The following SUCLG1 variants were observed in gnomAD, a reference collection of about 807,000 sequenced individuals.
SUCLG1 encodes succinate-CoA ligase GDP/ADP-forming subunit alpha, also known as succinate--CoA ligase [ADP/GDP-forming] subunit alpha, mitochondrial.
In SUCLG1, 26 loss-of-function variants were observed where a neutral mutation model predicts 37.3. The ratio of observed to expected loss-of-function variants is 0.70; its 90% CI spans 0.51 to 0.97. The LOEUF (loss-of-function observed/expected upper bound fraction) is 0.97. Ranked by LOEUF, SUCLG1 falls within the 50% of genes least tolerant of loss-of-function variation. SUCLG1 has a pLI of 0.00. For missense variants in SUCLG1, 433 were observed against 432.9 expected (o/e 1.00, Z 0.00); for synonymous variants, 163 against 155.6 (o/e 1.05, Z -0.36).
chr2:84,459,061 G>GC (rs1261440827), intron 1 of SUCLG1, 112 bp downstream of exon 1: 2 of 1,118,812 alleles, frequency 1.8e-6, no homozygotes, highest in Non-Finnish European at 2.5e-6. Context: ...CGGCTCCCAG[G>GC]CCCCCGCCGA....
At chr2:84,438,708 T>A (rs1033062185) in intron 5 of SUCLG1, among the ~76,000 whole-genome samples, 2 of 152,174 alleles carry the variant, frequency 1.3e-5, no homozygotes, top group African/African-American at 4.8e-5. Flanking sequence ...CAGCTGGACT[T>A]CCTGGGTTGA....
In SUCLG1 at chr2:84,437,464, G is replaced by A. The variant is rs184753084; in HGVS notation, c.589+3583C>T. The stretch of plus-strand genomic sequence containing the variant: ...TAATCAATATCATTAGCCATTAGGC[G>A]AATACAAATTAAAACTACAGTGAGC... On this transcript the variant is annotated intron_variant, in intron 5 of 8. Transcript: ENST00000393868. 2.6e-5 allele frequency among the ~76,000 whole-genome samples: 4 copies of A among 152,242 alleles called. 1 individual carries two copies. The East Asian group carries it at 5.8e-4, about 22-fold the overall frequency.
intron 7 of SUCLG1, among the ~76,000 whole-genome samples, chr2:84,430,069 A>G (rs948767051): frequency 1.3e-5 from 2 of 152,214 alleles, no homozygotes; most frequent in Non-Finnish European, 2.9e-5. Flanking sequence ...AGGCACAGAA[A>G]ATAGATCCAG....
chr2:84,451,088 G>A (rs1672933389), intron 1 of SUCLG1, among the ~76,000 whole-genome samples: 2 of 152,166 alleles, frequency 1.3e-5, no homozygotes, highest in Admixed American at 1.3e-4. Flanking sequence ...CTACTGAGCT[G>A]TGCAGCACAG....
intron 5 of SUCLG1, among the ~76,000 whole-genome samples, chr2:84,440,441 A>G (rs1672750738): frequency 6.6e-6 from 1 of 152,234 alleles, no homozygotes; most frequent in Non-Finnish European, 1.5e-5. Context: ...TCCTACATTA[A>G]TGGTGAAAAT....
chr2:84,439,184 T>C (rs1025716130), intron 5 of SUCLG1, among the ~76,000 whole-genome samples: 5 of 148,774 alleles, frequency 3.4e-5, no homozygotes, highest in Non-Finnish European at 7.4e-5. Flanking sequence ...TTTTCTTCTT[T>C]TTTTTAAAAA....
At chr2:84,453,186 T>G (rs1268820699) in intron 1 of SUCLG1, among the ~76,000 whole-genome samples, 1 of 151,814 alleles carries the variant, frequency 6.6e-6, no homozygotes, top group Non-Finnish European at 1.5e-5. Flanking sequence ...TCAGACAGAG[T>G]GAAACACACC....
At chr2:84,430,304 G>T (rs1264480901) in intron 7 of SUCLG1, among the ~76,000 whole-genome samples, 1 of 152,190 alleles carries the variant, frequency 6.6e-6, no homozygotes, top group East Asian at 1.9e-4. Flanking sequence ...ACTCTAGGAG[G>T]CAGGCACTAC....
At chr2:84,447,053 T>C (rs1260491557) in intron 2 of SUCLG1, among the ~76,000 whole-genome samples, 1 of 152,244 alleles carries the variant, frequency 6.6e-6, no homozygotes. Context: ...GTAATCATTT[T>C]AGCAGCTTAT....
At chr2:84,441,573 A>G (rs1359715829) in intron 3 of SUCLG1, 114 bp from the exon 4 acceptor site, 5 of 1,168,530 alleles carry the variant, frequency 4.3e-6, no homozygotes, top group Non-Finnish European at 5.0e-6. Flanking sequence ...CACTACCCAG[A>G]GACATAGCAT....
At chr2:84,457,971 T>C (rs891536736) in intron 1 of SUCLG1, among the ~76,000 whole-genome samples, 1 of 152,064 alleles carries the variant, frequency 6.6e-6, no homozygotes. Context: ...CACTCATCAA[T>C]GTACACTTTC....
At chr2:84,433,040 A>T (rs373767774) in intron 6 of SUCLG1, among the ~76,000 whole-genome samples, 2 of 152,202 alleles carry the variant, frequency 1.3e-5, no homozygotes, top group African/African-American at 2.4e-5. Flanking sequence ...GGCAATGATA[A>T]CAAAAGTCCT....
At chr2:84,423,902 G>C (rs1672493363) in intron 8 of SUCLG1, 130 bp from the exon 9 acceptor site, 1 of 969,970 alleles carries the variant, frequency 1.0e-6, no homozygotes, top group African/African-American at 1.6e-5. Context: ...AATTACAGAA[G>C]AAAAATGTAC....
intron 1 of SUCLG1, 77 bp from the exon 2 acceptor site, chr2:84,449,829 C>T: frequency 8.3e-7 from 1 of 1,199,694 alleles, no homozygotes; most frequent in African/African-American, 1.6e-5. Flanking sequence ...AATAATTCAA[C>T]TTGATCACAA....
intron 1 of SUCLG1, among the ~76,000 whole-genome samples, chr2:84,452,068 T>C (rs1051266733): frequency 6.6e-6 from 1 of 152,082 alleles, no homozygotes; most frequent in African/African-American, 2.4e-5. Flanking sequence ...AGCCATAATG[T>C]CAGGTGTCAA....
At chr2:84,428,446 G>T (rs193180139) in intron 7 of SUCLG1, among the ~76,000 whole-genome samples, 22 of 152,212 alleles carry the variant, frequency 1.4e-4, no homozygotes, top group African/African-American at 4.6e-4. Context: ...GAATTAAAAA[G>T]AAAAGACTCC....
chr2:84,442,867 G>A (rs764746999), intron 3 of SUCLG1, among the ~76,000 whole-genome samples: 3 of 152,102 alleles, frequency 2.0e-5, no homozygotes, highest in Non-Finnish European at 2.9e-5. Flanking sequence ...TAGTAACATC[G>A]TTATCTTTAA....
At chr2:84,424,287 A>G (rs1389416077) in intron 8 of SUCLG1, among the ~76,000 whole-genome samples, 1 of 152,204 alleles carries the variant, frequency 6.6e-6, no homozygotes, top group Non-Finnish European at 1.5e-5. Context: ...AGGAAACAAT[A>G]CCAAAAATCA....
intron 1 of SUCLG1, among the ~76,000 whole-genome samples, chr2:84,458,186 T>TA (rs1319690038): frequency 6.6e-6 from 1 of 152,014 alleles, no homozygotes; most frequent in African/African-American, 2.4e-5. Context: ...TTTCACTTTT[T>TA]AAAAAACCAG....
Sources: allele counts gnomAD v4.1 joint callset (sites outside exome capture counted in the v4.1 genomes callset), GRCh38; gene constraint gnomAD v4.1.1; transcripts MANE v1.5; gene names NCBI Gene and HGNC (gene_info 2026-07-23, HGNC 2026-07-21).